Variants in RASSF4 observed in about 807,000 individuals in gnomAD.
The protein encoded by RASSF4 is Ras association domain family member 4.
In RASSF4, 38 loss-of-function variants were observed where a neutral mutation model predicts 41.1. The ratio of observed to expected loss-of-function variants is 0.92; its 90% CI spans 0.71 to 1.21. The LOEUF is 1.21. Ranked by LOEUF, RASSF4 falls within the 50% of genes most tolerant of loss-of-function variation. The pLI is 0.00. For missense variants in RASSF4, 414 were observed against 419.4 expected (o/e 0.99, Z 0.11); for synonymous variants, 179 against 163.4 (o/e 1.10, Z -0.73).
At chr10:44,964,663 C>A (rs543659911) in intron 1 of RASSF4, among the ~76,000 whole-genome samples, 1 of 152,318 alleles carries the variant, frequency 6.6e-6, no homozygotes, top group East Asian at 1.9e-4. Flanking sequence ...AATACTCCAG[C>A]AGAGATTCTC....
intron 3 of RASSF4, among the ~76,000 whole-genome samples, chr10:44,974,802 G>A (rs1236834914): frequency 6.6e-6 from 1 of 152,228 alleles, no homozygotes. Context: ...CCGCTTCCGA[G>A]GGGCTAGAGG....
intron 3 of RASSF4, among the ~76,000 whole-genome samples, chr10:44,974,353 C>G (rs1353984041): frequency 2.0e-5 from 3 of 152,254 alleles, no homozygotes; most frequent in Middle Eastern, 3.2e-3. Flanking sequence ...ATTTTCCAGG[C>G]AAAGAGATGG....
chr10:44,978,859 A>C (rs1205917364), intron 3 of RASSF4: 1 of 152,252 alleles, frequency 6.6e-6, no homozygotes, highest in Non-Finnish European at 1.5e-5. Flanking sequence ...GCAGCTATCA[A>C]TCACTGTCAC....
chr10:44,977,496 T>A (rs1485404040), intron 3 of RASSF4: 13 of 1,613,202 alleles, frequency 8.1e-6, no homozygotes, highest in Non-Finnish European at 1.1e-5. Flanking sequence ...TGCCCAAAAG[T>A]CCAGCTTCTT....
chr10:44,970,271 C>A lies in RASSF4; in HGVS notation c.62+7C>A. The A allele has an allele frequency of 6.2e-7, 1 of 1,613,098 alleles. No homozygotes were observed. The highest frequency in any genetic ancestry group is 8.5e-7 in the Non-Finnish European group (1 of 1,179,062). On this transcript the variant is annotated splice_region_variant and intron_variant, in intron 2 of 10. Transcript: ENST00000340258. ...ACAGCAAGTCCATTCAGAAGTAAGC[C>A]TTGGTGTGCAGGTTGGGCGGGGGAG...
intron 1 of RASSF4, among the ~76,000 whole-genome samples, chr10:44,965,242 T>TG (rs1840858383): frequency 6.6e-6 from 1 of 152,222 alleles, no homozygotes; most frequent in African/African-American, 2.4e-5. Flanking sequence ...AAACAGGCTA[T>TG]GGAAGGAGGA....
In RASSF4 at chr10:44,990,207, A is replaced by T. The variant is rs115447969; in HGVS notation, c.685+486A>T. ...CACCCCTCAGATCTTGTTTCTCTTC[A>T]AGCTGCACCTTTGCTGAATGACACT... On this transcript the variant is annotated intron_variant, in intron 8 of 10. Coordinates refer to ENST00000340258, the MANE Select transcript of RASSF4 (RefSeq NM_032023.4). Among the ~76,000 whole-genome samples the T allele has an allele frequency of 3.5e-3, 534 of 152,198 alleles. 2 individuals are homozygous for T. The highest frequency in any genetic ancestry group is 0.012 in the African/African-American group (495 of 41,504).
intron 6 of RASSF4, 49 bp downstream of exon 6, chr10:44,985,019 T>A: frequency 1.9e-6 from 3 of 1,577,040 alleles, no homozygotes; most frequent in Non-Finnish European, 2.6e-6. Flanking sequence ...GAGCCAGGCC[T>A]GAGCACAGGC....
At chr10:44,986,359 G>A (rs1257748761) in intron 6 of RASSF4, among the ~76,000 whole-genome samples, 2 of 152,200 alleles carry the variant, frequency 1.3e-5, no homozygotes, top group Non-Finnish European at 2.9e-5. Flanking sequence ...CTCTCTGCAT[G>A]TCCTGAGCAC....
intron 3 of RASSF4, among the ~76,000 whole-genome samples, chr10:44,972,053 T>C (rs1013039509): frequency 2.0e-5 from 3 of 152,200 alleles, no homozygotes; most frequent in Non-Finnish European, 4.4e-5. Flanking sequence ...TCATCTCCCT[T>C]GCAGAGGGTC....
intron 6 of RASSF4, among the ~76,000 whole-genome samples, chr10:44,985,310 C>CT (rs5784664): frequency 0.015 from 2,238 of 152,272 alleles, 62 homozygotes; most frequent in African/African-American, 0.049. Context: ...TGTATCCAGC[C>CT]ATCACTCTCA....
intron 5 of RASSF4, chr10:44,984,400 G>A: frequency 2.0e-6 from 1 of 512,018 alleles, no homozygotes; most frequent in South Asian, 2.8e-5. Context: ...ATCCACAGAA[G>A]GCACTGCGCT....
At chr10:44,967,329 G>A (rs767693843) in intron 1 of RASSF4, among the ~76,000 whole-genome samples, 9 of 152,206 alleles carry the variant, frequency 5.9e-5, no homozygotes, top group Non-Finnish European at 1.2e-4. Context: ...ACTTTTGTTC[G>A]CAGCTCAGTG....
chr10:44,988,538 C>T (rs894215436), intron 6 of RASSF4, among the ~76,000 whole-genome samples: 17 of 151,984 alleles, frequency 1.1e-4, no homozygotes, highest in Admixed American at 3.9e-4. Flanking sequence ...GTCATACGTG[C>T]GAGACAATGA....
At chr10:44,979,561 A>G (rs1271502556) in intron 3 of RASSF4, among the ~76,000 whole-genome samples, 1 of 152,160 alleles carries the variant, frequency 6.6e-6, no homozygotes, top group African/African-American at 2.4e-5. Flanking sequence ...CGCCACAGGT[A>G]CAGTGGTCAG....
At chr10:44,984,136 C>CCAG in intron 5 of RASSF4, 23 bp downstream of exon 5, 1 of 1,571,892 alleles carries the variant, frequency 6.4e-7, no homozygotes, top group Non-Finnish European at 8.6e-7. Context: ...CGCAAGCTGC[C>CCAG]CAGACCCCTG....
At chr10:44,977,629 A>ACC (rs771154895) in intron 3 of RASSF4, 1 of 1,612,292 alleles carries the variant, frequency 6.2e-7, no homozygotes, top group African/African-American at 1.3e-5. Flanking sequence ...GTCTATGTGG[A>ACC]CCCCAGAGGC....
intron 1 of RASSF4, among the ~76,000 whole-genome samples, chr10:44,966,937 G>A (rs1205738553): frequency 2.6e-5 from 4 of 152,106 alleles, no homozygotes; most frequent in African/African-American, 9.7e-5. Context: ...TATTATTCCT[G>A]TCTCACCACT....
At chr10:44,978,052 C>T in intron 3 of RASSF4, 1 of 1,591,898 alleles carries the variant, frequency 6.3e-7, no homozygotes, top group East Asian at 2.2e-5. Context: ...GAGGAGGTGG[C>T]AACCTGTTGG....
Sources: allele counts gnomAD v4.1 joint callset (sites outside exome capture counted in the v4.1 genomes callset), GRCh38; gene constraint gnomAD v4.1.1; transcripts MANE v1.5; gene names NCBI Gene and HGNC (gene_info 2026-07-23, HGNC 2026-07-21).